Variants in GPC5 observed in about 807,000 individuals in gnomAD.
GPC5 encodes the protein glypican 5, also known as glypican-5.
A neutral mutation model predicts 53.9 loss-of-function variants in GPC5; 47 were observed. That is an observed-to-expected ratio of 0.87 (90% CI 0.69 to 1.11). The LOEUF (loss-of-function observed/expected upper bound fraction) is 1.11, where lower values mean the gene tolerates loss of function less well. Ranked by LOEUF, GPC5 falls within the 50% of genes most tolerant of loss-of-function variation. GPC5 has a pLI of 0.00. For missense variants in GPC5, 748 were observed against 713.1 expected (o/e 1.05, Z -0.56); for synonymous variants, 286 against 263.3 (o/e 1.09, Z -0.84).
In GPC5 at chr13:92,780,067, G is replaced by A. The variant is rs145335865; in HGVS notation, c.1562-86215G>A. On this transcript the variant is annotated intron_variant, in intron 7 of 7. Transcript: ENST00000377067. ...CCACAGGTAGATTAATTAACATAGT[G>A]GTGTGTCTACTAAGTGGACCATAAT... is the stretch of plus-strand genomic sequence containing the variant. Among the ~76,000 whole-genome samples, 4 of 152,000 alleles carry A rather than the reference G, an allele frequency of 2.6e-5. No individual in the cohort carries two copies. The East Asian group carries it at 7.8e-4, about 30-fold the overall frequency.
At chr13:92,419,133 A>T (rs543494046) in intron 7 of GPC5, among the ~76,000 whole-genome samples, 2 of 152,296 alleles carry the variant, frequency 1.3e-5, no homozygotes, top group South Asian at 4.1e-4. Context: ...GCAGAAACTC[A>T]TTTACTCATA....
At chr13:92,388,173 C>T (rs1428435869) in intron 7 of GPC5, among the ~76,000 whole-genome samples, 1 of 151,926 alleles carries the variant, frequency 6.6e-6, no homozygotes, top group Non-Finnish European at 1.5e-5. Flanking sequence ...AAAATTCTCA[C>T]ATTAAAGGTT....
intron 2 of GPC5, among the ~76,000 whole-genome samples, chr13:91,501,526 A>G (rs1016092887): frequency 6.6e-6 from 1 of 152,084 alleles, no homozygotes; most frequent in African/African-American, 2.4e-5. Context: ...ATAGTTTGCT[A>G]AGAATGATGG....
At chr13:92,443,343 G>A (rs1413690591) in intron 7 of GPC5, among the ~76,000 whole-genome samples, 1 of 152,208 alleles carries the variant, frequency 6.6e-6, no homozygotes, top group Non-Finnish European at 1.5e-5. Flanking sequence ...TTCAACATGA[G>A]ACTTGGAGGT....
At chr13:91,951,947 G>C (rs775045860) in intron 6 of GPC5, among the ~76,000 whole-genome samples, 14 of 152,040 alleles carry the variant, frequency 9.2e-5, no homozygotes, top group Non-Finnish European at 1.5e-4. Context: ...GAAATTATAA[G>C]TGCTTGAAAA....
chr13:92,728,546 A>T (rs1212194608), intron 7 of GPC5, among the ~76,000 whole-genome samples: 2 of 151,416 alleles, frequency 1.3e-5, no homozygotes, highest in Non-Finnish European at 3.0e-5. Context: ...GAAAGCCTCA[A>T]CATTTCTTGT....
rs181165534 is a variant in GPC5 at position 92,499,435 on chromosome 13, A to G, written c.1561+354446A>G. On this transcript the variant is annotated intron_variant, in intron 7 of 7. Transcript: ENST00000377067. The stretch of plus-strand genomic sequence containing the variant: ...TGTTCAATAGGAAGATAATTTTCCT[A>G]GGGTTGGATAGATAGAATCAGTTGA... Among the ~76,000 whole-genome samples the G allele has an allele frequency of 4.2e-3, 641 of 152,300 alleles. 5 individuals are homozygous for G. The highest frequency in any genetic ancestry group is 0.015 in the African/African-American group (607 of 41,566).
rs192466749 is a variant in GPC5 at position 92,564,878 on chromosome 13, A to T, written c.1562-301404A>T. ...TTCAGATCGAGTTGGTTTAAATCCA[A>T]ATAAAAGATGTTATTCTTTCTTTAT... is the stretch of plus-strand genomic sequence containing the variant. On this transcript the variant is annotated intron_variant, in intron 7 of 7. Coordinates refer to ENST00000377067, the MANE Select transcript of GPC5 (RefSeq NM_004466.6). Among the ~76,000 whole-genome samples, 3 of 152,246 alleles carry T rather than the reference A, an allele frequency of 2.0e-5. No homozygotes were observed. In the East Asian group the frequency reaches 5.8e-4, roughly 29 times the overall value.
intron 7 of GPC5, among the ~76,000 whole-genome samples, chr13:92,701,125 T>C (rs528741724): frequency 5.4e-4 from 82 of 152,274 alleles, no homozygotes; most frequent in African/African-American, 1.9e-3. Flanking sequence ...GGAATGATGA[T>C]TAAACATGTG....
At chr13:92,095,439 G>A (rs752644386) in intron 6 of GPC5, among the ~76,000 whole-genome samples, 1 of 151,498 alleles carries the variant, frequency 6.6e-6, no homozygotes, top group African/African-American at 2.4e-5. Context: ...CCTCCGCCTC[G>A]TGGGTTCAAG....
At chr13:92,800,122 G>C (rs905192600) in intron 7 of GPC5, among the ~76,000 whole-genome samples, 2 of 151,816 alleles carry the variant, frequency 1.3e-5, no homozygotes, top group African/African-American at 4.8e-5. Flanking sequence ...TGGTTTGCAT[G>C]TTCAAAGCTC....
chr13:91,420,718 C>T (rs975731386), intron 1 of GPC5, among the ~76,000 whole-genome samples: 8 of 152,212 alleles, frequency 5.3e-5, no homozygotes, highest in East Asian at 1.9e-4. Flanking sequence ...ATGGTGGGGG[C>T]GGTTCCCCCA....
intron 3 of GPC5, among the ~76,000 whole-genome samples, chr13:91,705,237 T>C (rs2036074016): frequency 1.3e-5 from 2 of 152,268 alleles, no homozygotes; most frequent in Admixed American, 1.3e-4. Context: ...CATTTATGAT[T>C]CTGACTTCGT....
At chr13:92,147,786 A>C (rs1593930863) in intron 7 of GPC5, among the ~76,000 whole-genome samples, 1 of 152,108 alleles carries the variant, frequency 6.6e-6, no homozygotes, top group African/African-American at 2.4e-5. Context: ...GTTGCCTTTC[A>C]ATTTTTAATA....
At chr13:92,004,458 T>TATATATATATA (rs1555303834) in intron 6 of GPC5, among the ~76,000 whole-genome samples, 7 of 82,488 alleles carry the variant, frequency 8.5e-5, no homozygotes, top group South Asian at 3.5e-4. Flanking sequence ...AAAAAAAAAA[T>TATATATATATA]TATATATATA....
At chr13:91,839,209 T>C (rs2038756825) in intron 5 of GPC5, among the ~76,000 whole-genome samples, 1 of 152,196 alleles carries the variant, frequency 6.6e-6, no homozygotes, top group Admixed American at 6.5e-5. Flanking sequence ...CACATTACAA[T>C]GCATAGTAAA....
intron 6 of GPC5, among the ~76,000 whole-genome samples, chr13:92,085,178 A>C (rs753361597): frequency 8.5e-5 from 13 of 152,194 alleles, no homozygotes; most frequent in Non-Finnish European, 1.8e-4. Flanking sequence ...AAACATTTAG[A>C]CCATAGCACG....
intron 7 of GPC5, among the ~76,000 whole-genome samples, chr13:92,397,678 CT>C (rs1232820740): frequency 6.6e-6 from 1 of 152,088 alleles, no homozygotes; most frequent in African/African-American, 2.4e-5. Context: ...AAAAAAGTCA[CT>C]GATTTTCTGC....
chr13:91,602,062 T>C (rs2033197820), intron 2 of GPC5, among the ~76,000 whole-genome samples: 1 of 152,228 alleles, frequency 6.6e-6, no homozygotes, highest in Admixed American at 6.5e-5. Flanking sequence ...ATCTGGTGTC[T>C]TTTCTACCTT....
Sources: gnomAD v4.1 joint callset for allele counts (sites outside exome capture counted in the v4.1 genomes callset) on GRCh38, gnomAD v4.1.1 for gene constraint, MANE v1.5 for transcripts, NCBI Gene and HGNC (gene_info 2026-07-23, HGNC 2026-07-21) for gene names.